FBXO34: variants seen among roughly 807,000 people sequenced by gnomAD.
FBXO34 encodes F-box protein 34.
FBXO34 carries 12 observed loss-of-function variants against 24.5 expected under a neutral mutation model. That is an observed-to-expected ratio of 0.49 (90% CI 0.31 to 0.79). The LOEUF is 0.79. Ranked by LOEUF, FBXO34 falls within the 30% of genes least tolerant of loss-of-function variation. The pLI is 0.04. For synonymous variants in FBXO34, 320 were observed against 311.9 expected, an observed-to-expected ratio of 1.03 and a Z score of -0.27; for missense variants, 823 against 857.7, an observed-to-expected ratio of 0.96 and a Z score of 0.51.
the FBXO34 span, among the ~76,000 whole-genome samples, chr14:55,441,643 C>A: frequency 6.6e-6 from 1 of 152,344 alleles, no homozygotes; most frequent in East Asian, 1.9e-4. Flanking sequence ...TTGAGGAAAT[C>A]TCACGAAAAT....
At chr14:55,422,889 A>G in the FBXO34 span, among the ~76,000 whole-genome samples, 1 of 152,126 alleles carries the variant, frequency 6.6e-6, no homozygotes, top group Non-Finnish European at 1.5e-5. Flanking sequence ...CAATATATAT[A>G]GCAACCTTCT....
the FBXO34 span, chr14:55,414,556 G>A: frequency 1.2e-6 from 1 of 856,876 alleles, no homozygotes; most frequent in Non-Finnish European, 1.7e-6. Flanking sequence ...CTTTTAATAT[G>A]ACATCTCTTT....
chr14:55,345,110 T>C (rs984786856), intron 1 of FBXO34, among the ~76,000 whole-genome samples: 1 of 151,758 alleles, frequency 6.6e-6, no homozygotes, highest in African/African-American at 2.4e-5. Context: ...GATGATGGGG[T>C]CAAATGATGA....
the FBXO34 span, chr14:55,411,546 G>A: frequency 1.3e-6 from 2 of 1,516,322 alleles, no homozygotes; most frequent in East Asian, 2.4e-5. Flanking sequence ...GCCTTCGGCT[G>A]CCTGGCTGGA....
downstream of FBXO34, among the ~76,000 whole-genome samples, chr14:55,364,128 T>C (rs1005042214): frequency 5.9e-5 from 9 of 151,856 alleles, no homozygotes; most frequent in Non-Finnish European, 2.9e-5. Context: ...TTTTGTATTT[T>C]AGTAGAGACC....
At chr14:55,396,579 G>T in the FBXO34 span, among the ~76,000 whole-genome samples, 1 of 152,184 alleles carries the variant, frequency 6.6e-6, no homozygotes, top group Non-Finnish European at 1.5e-5. Flanking sequence ...TTCATCGGGG[G>T]TGTGAGACAT....
intron 1 of FBXO34, among the ~76,000 whole-genome samples, chr14:55,297,324 T>C (rs1280311344): frequency 6.6e-6 from 1 of 152,226 alleles, no homozygotes; most frequent in East Asian, 1.9e-4. Flanking sequence ...AGTTCAAATG[T>C]TGCAGTCAGA....
intron 1 of FBXO34, among the ~76,000 whole-genome samples, chr14:55,346,418 C>G (rs1884162229): frequency 6.6e-6 from 1 of 152,176 alleles, no homozygotes; most frequent in African/African-American, 2.4e-5. Flanking sequence ...ACTCAAGCTT[C>G]TGGCTTAATG....
intron 1 of FBXO34, among the ~76,000 whole-genome samples, chr14:55,344,657 T>C (rs1313124769): frequency 6.6e-6 from 1 of 151,932 alleles, no homozygotes; most frequent in African/African-American, 2.4e-5. Flanking sequence ...CAACCTGTCA[T>C]CTAGGTTTTA....
intron 1 of FBXO34, among the ~76,000 whole-genome samples, chr14:55,286,868 C>A (rs902776573): frequency 6.6e-6 from 1 of 151,016 alleles, no homozygotes; most frequent in Non-Finnish European, 1.5e-5. Context: ...GGAGATGGGA[C>A]CCACATTGAA....
At chr14:55,323,216 A>ATATAT (rs1467413034) in intron 1 of FBXO34, among the ~76,000 whole-genome samples, 1 of 36,404 alleles carries the variant, frequency 2.7e-5, no homozygotes, top group South Asian at 1.1e-3. Context: ...AAAAAAAAAA[A>ATATAT]AAATATATAT....
At chr14:55,408,896 A>G in the FBXO34 span, among the ~76,000 whole-genome samples, 2 of 152,240 alleles carry the variant, frequency 1.3e-5, no homozygotes, top group African/African-American at 4.8e-5. Context: ...GGCAAACAGT[A>G]GCCAAATCAC....
chr14:55,290,747 G>C (rs1300573364), intron 1 of FBXO34, among the ~76,000 whole-genome samples: 2 of 152,186 alleles, frequency 1.3e-5, no homozygotes, highest in African/African-American at 2.4e-5. Flanking sequence ...ATGCAAAGAA[G>C]GTTGAGAAAT....
intron 1 of FBXO34, among the ~76,000 whole-genome samples, chr14:55,315,478 T>G (rs1009213752): frequency 2.6e-5 from 4 of 152,248 alleles, no homozygotes; most frequent in Non-Finnish European, 5.9e-5. Context: ...ATTTCATGTC[T>G]TCTTTCTTGG....
chr14:55,341,425 A>C (rs1274998026), intron 1 of FBXO34, among the ~76,000 whole-genome samples: 1 of 152,216 alleles, frequency 6.6e-6, no homozygotes, highest in Non-Finnish European at 1.5e-5. Flanking sequence ...TCTTTGTCAT[A>C]TGGAAAAATG....
At chr14:55,422,634 T>C in the FBXO34 span, among the ~76,000 whole-genome samples, 4 of 152,134 alleles carry the variant, frequency 2.6e-5, no homozygotes, top group African/African-American at 9.7e-5. Context: ...GGTAGATCAC[T>C]TGAGGCCAGA....
chr14:55,351,402 A>C lies in FBXO34; in HGVS notation c.1012A>C (p.Thr338Pro). The change falls in exon 2 of 2, where the codon ACT becomes CCT. Residue 338 changes from threonine to proline, a missense_variant. Physicochemically the swap from Thr to Pro is conservative, Grantham distance 38. Transcript: ENST00000313833. ...GAAAGGCGTCTTGGAGGCACCTGAC[A>C]CTCAGGTGAATCCTGTGGGGTCTGT... ...TKKGVLEAPD[T>P]QVNPVGSVSV... 6.2e-7 allele frequency: 1 copy of C among 1,614,118 alleles called. No homozygotes were observed. Among genetic ancestry groups the C allele is most frequent in the Non-Finnish European group, 8.5e-7 (1 of 1,180,004 alleles).
the FBXO34 span, among the ~76,000 whole-genome samples, chr14:55,431,630 A>G: frequency 6.6e-6 from 1 of 152,250 alleles, no homozygotes; most frequent in Admixed American, 6.5e-5. Context: ...CATAAGAGAA[A>G]GTCCAGCAAT....
chr14:55,390,214 G>A, the FBXO34 span, among the ~76,000 whole-genome samples: 4 of 152,122 alleles, frequency 2.6e-5, no homozygotes, highest in East Asian at 3.9e-4. Context: ...GGGATTACAG[G>A]TGCCTGCCAC....
Sources: gnomAD v4.1 joint callset for allele counts (sites outside exome capture counted in the v4.1 genomes callset) on GRCh38, gnomAD v4.1.1 for gene constraint, MANE v1.5 for transcripts, NCBI Gene and HGNC (gene_info 2026-07-23, HGNC 2026-07-21) for gene names.